Variants in RANBP2 observed in about 807,000 individuals in gnomAD.
RANBP2 encodes E3 SUMO-protein ligase RanBP2.
RANBP2 carries 57 observed loss-of-function variants against 303.6 expected under a neutral mutation model. That is an observed-to-expected ratio of 0.19 (90% CI 0.15 to 0.23). The LOEUF (loss-of-function observed/expected upper bound fraction) is 0.23. Among genes scored for constraint, RANBP2 ranks in the 10% least tolerant of loss-of-function variants. RANBP2 has a pLI of 1.00. For synonymous variants in RANBP2, 1,167 were observed against 1,301.5 expected (o/e 0.90, Z 2.23); for missense variants, 3,138 against 3,780.8 (o/e 0.83, Z 4.46).
chr2:109,132,123 G>A, the RANBP2 span, among the ~76,000 whole-genome samples: 1 of 152,182 alleles, frequency 6.6e-6, no homozygotes, highest in African/African-American at 2.4e-5. Flanking sequence ...GGATGTTGTT[G>A]CATGTTGTTT....
the RANBP2 span, chr2:109,449,523 G>T: frequency 6.2e-7 from 1 of 1,600,388 alleles, no homozygotes; most frequent in South Asian, 1.1e-5. Flanking sequence ...CCCTGGGCTC[G>T]AGGCCAGCTG....
In RANBP2 at chr2:108,775,922, A is replaced by T. The variant is rs745877252; in HGVS notation, c.8483A>T (p.Asp2828Val). 2 of 1,610,112 alleles carry T rather than the reference A, an allele frequency of 1.2e-6. No homozygotes were observed. The highest frequency in any genetic ancestry group is 1.7e-6 in the Non-Finnish European group (2 of 1,179,604). ...DLSTRKEIDT[D>V]STSQGESKIV... ...TCAACTAGAAAGGAAATTGATACAG[A>T]TTCTACAAGCCAAGGTAAATCTTGA... The change falls in exon 24 of 29, where the codon GAT becomes GTT. Residue 2828 changes from aspartate to valine, a missense_variant. Asp to Val is a radical substitution (Grantham distance 152). Coordinates refer to ENST00000283195, the MANE Select transcript of RANBP2 (RefSeq NM_006267.5).
the RANBP2 span, among the ~76,000 whole-genome samples, chr2:108,827,341 A>G: frequency 6.6e-6 from 1 of 152,214 alleles, no homozygotes; most frequent in Non-Finnish European, 1.5e-5. Context: ...TTACAATACC[A>G]AATTTACAAA....
At chr2:108,846,673 T>C in the RANBP2 span, 2 of 1,408,992 alleles carry the variant, frequency 1.4e-6, no homozygotes, top group African/African-American at 2.9e-5. Context: ...CAAGACTGTG[T>C]CTCAAAAAAA....
chr2:109,430,490 G>GTCCTCTCCCA, the RANBP2 span, among the ~76,000 whole-genome samples: 2 of 149,440 alleles, frequency 1.3e-5, no homozygotes, highest in Non-Finnish European at 3.0e-5. Context: ...TCCTCTCCCC[G>GTCCTCTCCCA]TCCTCTCCCA....
chr2:108,958,409 G>C, the RANBP2 span, among the ~76,000 whole-genome samples: 1 of 145,718 alleles, frequency 6.9e-6, no homozygotes, highest in Non-Finnish European at 1.5e-5. Context: ...CCTTCAGCAG[G>C]AAAAAAAAAA....
At chr2:109,722,465 T>C in the RANBP2 span, among the ~76,000 whole-genome samples, 1 of 152,186 alleles carries the variant, frequency 6.6e-6, no homozygotes, top group Admixed American at 6.5e-5. Context: ...TCCCCATTGG[T>C]CCTTCTCTTT....
chr2:109,392,537 T>G, the RANBP2 span, among the ~76,000 whole-genome samples: 1 of 151,172 alleles, frequency 6.6e-6, no homozygotes, highest in Non-Finnish European at 1.5e-5. Context: ...GGAGACGGAG[T>G]CTCGCACTGT....
the RANBP2 span, among the ~76,000 whole-genome samples, chr2:109,031,056 G>A: frequency 6.6e-6 from 1 of 152,200 alleles, no homozygotes; most frequent in Non-Finnish European, 1.5e-5. Context: ...AGCGCTCCAC[G>A]AGGGGACGCC....
At chr2:108,803,240 C>T in the RANBP2 span, among the ~76,000 whole-genome samples, 6 of 152,162 alleles carry the variant, frequency 3.9e-5, no homozygotes, top group Non-Finnish European at 8.8e-5. Flanking sequence ...CCCGCCTGAG[C>T]GGCTCAAAGT....
chr2:109,288,645 G>T, the RANBP2 span, among the ~76,000 whole-genome samples: 1 of 152,222 alleles, frequency 6.6e-6, no homozygotes, highest in Non-Finnish European at 1.5e-5. Context: ...CACCCAAGGA[G>T]ACTGACTTCT....
the RANBP2 span, among the ~76,000 whole-genome samples, chr2:109,044,984 AT>A: frequency 6.6e-6 from 1 of 152,240 alleles, no homozygotes; most frequent in South Asian, 2.1e-4. Flanking sequence ...TGAGAAAACC[AT>A]GGGAATAGTT....
chr2:109,563,944 G>A, the RANBP2 span, among the ~76,000 whole-genome samples: 1 of 152,154 alleles, frequency 6.6e-6, no homozygotes, highest in South Asian at 2.1e-4. Context: ...AACATAGTAA[G>A]ACCCTGTCTC....
At chr2:108,736,878 A>G (rs1695627818) in intron 6 of RANBP2, among the ~76,000 whole-genome samples, 1 of 152,084 alleles carries the variant, frequency 6.6e-6, no homozygotes, top group Non-Finnish European at 1.5e-5. Context: ...TTTTGTTAAT[A>G]TTTATTGGAA....
the RANBP2 span, among the ~76,000 whole-genome samples, chr2:109,674,131 A>T: frequency 1.2e-3 from 175 of 152,066 alleles, no homozygotes; most frequent in African/African-American, 3.6e-3. Flanking sequence ...TGGCCTCCCC[A>T]GCACTCCTTT....
At chr2:108,958,113 C>A in the RANBP2 span, among the ~76,000 whole-genome samples, 1 of 152,182 alleles carries the variant, frequency 6.6e-6, no homozygotes, top group South Asian at 2.1e-4. Context: ...AACGCACACA[C>A]CCCTGCACTT....
the RANBP2 span, among the ~76,000 whole-genome samples, chr2:109,739,666 C>A: frequency 1.3e-5 from 2 of 152,112 alleles, no homozygotes; most frequent in African/African-American, 2.4e-5. Flanking sequence ...ATATCACCTG[C>A]AAACAAGGAT....
chr2:108,941,576 G>A, the RANBP2 span, among the ~76,000 whole-genome samples: 1 of 152,158 alleles, frequency 6.6e-6, no homozygotes, highest in Non-Finnish European at 1.5e-5. Flanking sequence ...CACCAGCTGG[G>A]GGCATGGCCA....
the RANBP2 span, among the ~76,000 whole-genome samples, chr2:109,146,885 T>TCCCCC: frequency 2.1e-4 from 3 of 14,402 alleles, no homozygotes; most frequent in African/African-American, 4.8e-4. Flanking sequence ...CTTTTTTCCC[T>TCCCCC]CCCCCCCCCC....
Sources: allele counts gnomAD v4.1 joint callset (sites outside exome capture counted in the v4.1 genomes callset), GRCh38; gene constraint gnomAD v4.1.1; transcripts MANE v1.5; gene names NCBI Gene and HGNC (gene_info 2026-07-23, HGNC 2026-07-21).